The following BICD1 variants were observed in gnomAD, a reference collection of about 807,000 sequenced individuals.
The protein encoded by BICD1 is protein bicaudal D homolog 1.
BICD1 carries 35 observed loss-of-function variants against 92.5 expected under a neutral mutation model. The observed-to-expected ratio is 0.38, with a 90% CI of 0.29 to 0.50. The LOEUF (loss-of-function observed/expected upper bound fraction) is 0.50, where lower values mean the gene tolerates loss of function less well. BICD1 is among the 20% of genes least tolerant of loss of function. The pLI, the probability that BICD1 is intolerant of heterozygous loss-of-function variation, is 0.93. For synonymous variants in BICD1, 429 were observed against 465.1 expected (o/e 0.92, Z 1.00); for missense variants, 950 against 1,189.8 (o/e 0.80, Z 2.97).
intron 2 of BICD1, among the ~76,000 whole-genome samples, chr12:32,246,326 AAG>A (rs34968641): frequency 0.032 from 4,737 of 148,086 alleles, 341 homozygotes; most frequent in African/African-American, 0.12. Flanking sequence ...AAAAAAAAAA[AAG>A]GTTGATTAAA....
At chr12:32,354,091 C>T (rs556633378) in intron 8 of BICD1, 2 of 152,160 alleles carry the variant, frequency 1.3e-5, no homozygotes, top group African/African-American at 2.4e-5. Context: ...TACTGCAGGG[C>T]GTTTTTATAT....
intron 1 of BICD1, among the ~76,000 whole-genome samples, chr12:32,129,810 A>G (rs771322760): frequency 3.0e-4 from 45 of 152,212 alleles, no homozygotes; most frequent in Admixed American, 1.3e-4. Context: ...GGTTTGTTAA[A>G]AAAATGAATT....
chr12:32,192,921 T>G (rs1944616895), intron 1 of BICD1, among the ~76,000 whole-genome samples: 1 of 152,232 alleles, frequency 6.6e-6, no homozygotes, highest in Non-Finnish European at 1.5e-5. Context: ...TGTGAATGAA[T>G]GAGTACTTGT....
chr12:32,377,557 C>A lies in BICD1; in HGVS notation c.2858C>A (p.Pro953His). Reference sequence around the variant, plus strand: ...CTTTCCAGTCCTGACACAGCTCTCCCTGAGGAGCAGCCACATTCCAGCTCC... The same window carrying A: ...CTTTCCAGTCCTGACACAGCTCTCCATGAGGAGCAGCCACATTCCAGCTCC... ...CPTVSPDTAL[P>H]EEQPHSSSQC... Residue 953 changes from proline to histidine, a missense_variant, in exon 10 of 10, where the codon CCT becomes CAT. Pro to His is a moderately conservative substitution (Grantham distance 77). Around this residue, in one of 5 missense-constraint regions of BICD1, gnomAD observed 179 missense variants for 186.7 expected, o/e 0.96. Coordinates refer to ENST00000652176, the MANE Select transcript of BICD1 (RefSeq NM_001714.4). 1.2e-6 allele frequency: 2 copies of A among 1,614,126 alleles called. No homozygotes were observed. The highest frequency in any genetic ancestry group is 1.7e-6 in the Non-Finnish European group (2 of 1,180,002).
intron 8 of BICD1, among the ~76,000 whole-genome samples, chr12:32,341,864 T>C (rs1938378623): frequency 6.6e-6 from 1 of 152,048 alleles, no homozygotes; most frequent in Non-Finnish European, 1.5e-5. Context: ...TATCAAACAT[T>C]TTTTATGATG....
intron 1 of BICD1, among the ~76,000 whole-genome samples, chr12:32,151,540 A>G (rs1943288012): frequency 6.6e-6 from 1 of 152,236 alleles, no homozygotes; most frequent in Non-Finnish European, 1.5e-5. Context: ...CTAAATAGAT[A>G]CATCGAAGGT....
chr12:32,130,370 A>G, intron 1 of BICD1, among the ~76,000 whole-genome samples: 1 of 152,092 alleles, frequency 6.6e-6, no homozygotes, highest in South Asian at 2.1e-4. Flanking sequence ...CGCTCGGCTA[A>G]CTTTTTGTGT....
chr12:32,204,701 C>G, intron 1 of BICD1, among the ~76,000 whole-genome samples: 1 of 152,202 alleles, frequency 6.6e-6, no homozygotes, highest in East Asian at 1.9e-4. Context: ...GTTGGAAATA[C>G]TTACACCTGG....
At chr12:32,220,637 CTGT>C (rs1476315375) in intron 2 of BICD1, among the ~76,000 whole-genome samples, 1 of 149,540 alleles carries the variant, frequency 6.7e-6, no homozygotes, top group Non-Finnish European at 1.5e-5. Context: ...CACTTTTACA[CTGT>C]TGGTGGGACT....
At chr12:32,129,583 C>G (rs1942466151) in intron 1 of BICD1, among the ~76,000 whole-genome samples, 1 of 150,940 alleles carries the variant, frequency 6.6e-6, no homozygotes, top group African/African-American at 2.4e-5. Flanking sequence ...GTTTCCCAGG[C>G]TGGTCTCAAA....
At chr12:32,151,242 G>A (rs1943278053) in intron 1 of BICD1, among the ~76,000 whole-genome samples, 2 of 152,198 alleles carry the variant, frequency 1.3e-5, no homozygotes, top group Non-Finnish European at 1.5e-5. Flanking sequence ...CCCTCATACA[G>A]AGCTGCAGCT....
intron 1 of BICD1, among the ~76,000 whole-genome samples, chr12:32,116,504 C>CTATATATATA (rs1486131484): frequency 3.3e-3 from 269 of 81,802 alleles, no homozygotes; most frequent in Non-Finnish European, 5.4e-3. Flanking sequence ...CTCTCTCTCT[C>CTATATATATA]TCTCTCTATA....
At chr12:32,200,301 A>G (rs564034979) in intron 1 of BICD1, among the ~76,000 whole-genome samples, 2 of 152,336 alleles carry the variant, frequency 1.3e-5, no homozygotes, top group Admixed American at 1.3e-4. Context: ...AAGTGGGAAG[A>G]GTGGATATTG....
chr12:32,339,209 T>G, intron 8 of BICD1: 1 of 1,261,208 alleles, frequency 7.9e-7, no homozygotes, highest in East Asian at 3.7e-5. Context: ...CAAATGAGAG[T>G]TGGAAGGAAT....
At chr12:32,352,552 C>T (rs1440041133) in intron 8 of BICD1, 1 of 151,980 alleles carries the variant, frequency 6.6e-6, no homozygotes, top group East Asian at 1.9e-4. Flanking sequence ...CACATTTCCT[C>T]ATCTTAAGGA....
chr12:32,205,436 C>A (rs1252181602), intron 1 of BICD1, among the ~76,000 whole-genome samples: 1 of 152,044 alleles, frequency 6.6e-6, no homozygotes, highest in Non-Finnish European at 1.5e-5. Flanking sequence ...TAATGCTACT[C>A]AAATTGTACC....
chr12:32,372,841 C>T (rs143273261), intron 9 of BICD1, among the ~76,000 whole-genome samples: 197 of 152,260 alleles, frequency 1.3e-3, no homozygotes, highest in Middle Eastern at 6.8e-3. Flanking sequence ...TGTGCCACTG[C>T]GCTCCGGCCT....
At chr12:32,336,453 GT>G (rs1419615400) in intron 6 of BICD1, among the ~76,000 whole-genome samples, 2 of 152,134 alleles carry the variant, frequency 1.3e-5, no homozygotes, top group Middle Eastern at 6.8e-3. Flanking sequence ...TCTGTTTTTT[GT>G]TTTTTGACAA....
chr12:32,246,027 C>A (rs1278996184), intron 2 of BICD1, among the ~76,000 whole-genome samples: 6 of 15,986 alleles, frequency 3.8e-4, no homozygotes, highest in Admixed American at 2.2e-3. Flanking sequence ...GATACTCTGT[C>A]TCAAAAAAAA....
Sources: allele counts gnomAD v4.1 joint callset (sites outside exome capture counted in the v4.1 genomes callset), GRCh38; gene constraint gnomAD v4.1.1; regional missense constraint gnomAD v4.1.1; transcripts MANE v1.5; gene names NCBI Gene and HGNC (gene_info 2026-07-23, HGNC 2026-07-21).